UBAP1: variants seen among roughly 807,000 people sequenced by gnomAD.
The protein encoded by UBAP1 is ubiquitin-associated protein 1.
Under a neutral mutation model 39.0 loss-of-function variants are expected in UBAP1, and 5 were observed. The ratio of observed to expected loss-of-function variants is 0.13; its 90% confidence interval spans 0.07 to 0.27. The LOEUF (loss-of-function observed/expected upper bound fraction) is 0.27, where lower values mean the gene tolerates loss of function less well. UBAP1 is among the 10% of genes least tolerant of loss of function. The pLI is 1.00. For missense variants in UBAP1, 490 were observed against 608.1 expected, an observed-to-expected ratio of 0.81 and a Z score of 2.04; for synonymous variants, 211 against 225.1, an observed-to-expected ratio of 0.94 and a Z score of 0.56.
At position 34,216,208 on chromosome 9, in the gene UBAP1, A is replaced by T. The variant is rs980356925; in HGVS notation, c.-7-4700A>T. Among the ~76,000 whole-genome samples the T allele has an allele frequency of 1.5e-4, 22 of 146,430 alleles. No individual in the cohort carries two copies. In the South Asian group the frequency reaches 1.5e-3, roughly 10 times the overall value. On this transcript the variant is annotated intron_variant, in intron 1 of 6. Coordinates refer to ENST00000297661, the MANE Select transcript of UBAP1 (RefSeq NM_016525.5). ...CATTTTTTTTTTTGTAATTTAATTT[A>T]AAAAAAAACTTACTGAGGTGAAATT...
rs1834553283 is a variant in UBAP1 at position 34,251,829 on chromosome 9, T to C, written c.*297T>C. 4.4e-6 allele frequency: 1 copy of C among 226,828 alleles called. No individual in the cohort carries two copies. The highest frequency in any genetic ancestry group is 2.3e-5 in the African/African-American group (1 of 44,372). 14.1% of individuals were successfully genotyped at this position (226,828 alleles called of 1,614,324 possible). A position where few individuals can be genotyped will look rare whatever the true frequency, so the allele number is the denominator to read the frequency against. Reference sequence around the variant, plus strand: ...TCCGGAGAGACTACCCTAGTCTTTCTGGGGTGTTTATGTCCTCAGCTGAAG... The same window carrying C: ...TCCGGAGAGACTACCCTAGTCTTTCCGGGGTGTTTATGTCCTCAGCTGAAG... On this transcript the variant is annotated 3_prime_UTR_variant, in exon 7 of 7. Coordinates refer to ENST00000297661, the MANE Select transcript of UBAP1 (RefSeq NM_016525.5).
At chr9:34,218,146 G>A (rs971153225) in intron 1 of UBAP1, among the ~76,000 whole-genome samples, 3 of 149,676 alleles carry the variant, frequency 2.0e-5, no homozygotes, top group East Asian at 2.0e-4. Flanking sequence ...CAGCTACTCC[G>A]GAGGCTGAGG....
intron 1 of UBAP1, among the ~76,000 whole-genome samples, chr9:34,212,540 G>T (rs1366555498): frequency 6.6e-6 from 1 of 151,720 alleles, no homozygotes; most frequent in Non-Finnish European, 1.5e-5. Context: ...CCATCACAAC[G>T]TTATCTTCTG....
At chr9:34,193,352 T>C (rs1830841729) in intron 1 of UBAP1, among the ~76,000 whole-genome samples, 1 of 151,872 alleles carries the variant, frequency 6.6e-6, no homozygotes, top group East Asian at 1.9e-4. Context: ...GGGGAAGCTC[T>C]CAAACCACGT....
At chr9:34,182,673 T>TCTC (rs1563881302) in intron 1 of UBAP1, among the ~76,000 whole-genome samples, 68 of 67,058 alleles carry the variant, frequency 1.0e-3, no homozygotes, top group South Asian at 7.3e-3. Context: ...CTTTCTTTCT[T>TCTC]TCTTTCTTTC....
intron 1 of UBAP1, among the ~76,000 whole-genome samples, chr9:34,213,167 C>T (rs1832109904): frequency 6.6e-6 from 1 of 152,104 alleles, no homozygotes. Flanking sequence ...ATGATTAGAA[C>T]TCTCAGCAAA....
rs549300025 is a variant in UBAP1, at chr9:34,196,823, G to A, written c.-8+17583G>A. Among the ~76,000 whole-genome samples, 6 of 151,270 alleles carry A rather than the reference G, an allele frequency of 4.0e-5. No homozygotes were observed. The South Asian group carries it at 8.3e-4, about 21-fold the overall frequency. ...TTTGGTTCAGTCATTATATTCTTCC[G>A]CTCTAAGATTTGCTTTTTATTATTT... On this transcript the variant is annotated intron_variant, in intron 1 of 6. Transcript: ENST00000297661.
chr9:34,240,844 T>C (rs904557826), intron 3 of UBAP1, among the ~76,000 whole-genome samples: 2 of 148,358 alleles, frequency 1.3e-5, no homozygotes, highest in Admixed American at 1.4e-4. Flanking sequence ...ATAAAAAGTG[T>C]TTAGAATCAT....
chr9:34,194,795 CTA>C (rs542663753), intron 1 of UBAP1, among the ~76,000 whole-genome samples: 3 of 152,206 alleles, frequency 2.0e-5, no homozygotes, highest in African/African-American at 7.2e-5. Flanking sequence ...ACTATTATCT[CTA>C]TTTTATTTTT....
At chr9:34,221,071 T>TA in intron 2 of UBAP1, 123 bp downstream of exon 2, 1 of 832,006 alleles carries the variant, frequency 1.2e-6, no homozygotes. Flanking sequence ...TTGACAAAAA[T>TA]AAAGTTGTAC....
At chr9:34,205,708 G>T (rs752985820) in intron 1 of UBAP1, among the ~76,000 whole-genome samples, 14 of 152,044 alleles carry the variant, frequency 9.2e-5, no homozygotes, top group Non-Finnish European at 2.1e-4. Flanking sequence ...AATCAGATTG[G>T]GTTGGCAGGA....
rs192631663 is a variant in UBAP1, at chr9:34,179,068, C to T, written c.-180C>T. On this transcript the variant is annotated 5_prime_UTR_variant, in exon 1 of 7. Transcript: ENST00000297661. ...GGGAAGTAGGACTTCAACATGGCGG[C>T]TGCGGCACTGGCGGTGGCTACGGTG... The T allele has an allele frequency of 3.3e-5, 42 of 1,278,548 alleles. No homozygotes were observed. The African/African-American group carries it at 5.8e-4, about 18-fold the overall frequency. 79.2% of individuals were successfully genotyped at this position (1,278,548 alleles called of 1,614,324 possible). A position where few individuals can be genotyped will look rare whatever the true frequency, so the allele number is the denominator to read the frequency against.
At position 34,179,098 on chromosome 9, in the gene UBAP1, C is replaced by T. The variant is rs1345553551; in HGVS notation, c.-150C>T. On this transcript the variant is annotated 5_prime_UTR_variant, in exon 1 of 7. Coordinates refer to ENST00000297661, the MANE Select transcript of UBAP1 (RefSeq NM_016525.5). ...GCACTGGCGGTGGCTACGGTGACGG[C>T]CTGGCCCGGAGCGGGCAGAGTTGGA... is the stretch of plus-strand genomic sequence containing the variant. The T allele has an allele frequency of 3.1e-6, 4 of 1,279,206 alleles. No homozygotes were observed. The highest frequency in any genetic ancestry group is 4.0e-6 in the Non-Finnish European group (4 of 1,010,666). The allele number at this position is 1,279,206 out of a possible 1,614,324, so 79.2% of individuals were successfully genotyped here.
At chr9:34,205,817 C>A (rs1000408158) in intron 1 of UBAP1, among the ~76,000 whole-genome samples, 15 of 152,094 alleles carry the variant, frequency 9.9e-5, no homozygotes. Flanking sequence ...CATGGTGAAA[C>A]CCCGTCTCTA....
At chr9:34,206,288 A>G (rs986206891) in intron 1 of UBAP1, 1 of 152,154 alleles carries the variant, frequency 6.6e-6, no homozygotes, top group Non-Finnish European at 1.5e-5. Context: ...ACAATTAATA[A>G]CTTTGGTAAA....
chr9:34,207,976 T>C (rs1180055878), intron 1 of UBAP1, among the ~76,000 whole-genome samples: 1 of 152,246 alleles, frequency 6.6e-6, no homozygotes, highest in Non-Finnish European at 1.5e-5. Context: ...TTTGTCTTGT[T>C]GCTGTCCTTC....
intron 1 of UBAP1, among the ~76,000 whole-genome samples, chr9:34,208,242 T>C (rs1831819809): frequency 6.6e-6 from 1 of 152,238 alleles, no homozygotes; most frequent in South Asian, 2.1e-4. Flanking sequence ...TCAAGGATTT[T>C]CATATCTGTA....
intron 3 of UBAP1, among the ~76,000 whole-genome samples, chr9:34,240,742 C>G (rs892269601): frequency 7.8e-6 from 1 of 128,510 alleles, no homozygotes; most frequent in South Asian, 3.1e-4. Context: ...TTCCATTTAG[C>G]TACCAGCTTT....
chr9:34,235,299 A>G (rs200860585), intron 3 of UBAP1, among the ~76,000 whole-genome samples: 5 of 120,776 alleles, frequency 4.1e-5, no homozygotes, highest in Non-Finnish European at 8.9e-5. Context: ...GTATATGTGT[A>G]TATATATATG....
Sources: allele counts gnomAD v4.1 joint callset (sites outside exome capture counted in the v4.1 genomes callset), GRCh38; gene constraint gnomAD v4.1.1; transcripts MANE v1.5; gene names NCBI Gene and HGNC (gene_info 2026-07-23, HGNC 2026-07-21).